Variants in WDPCP observed in about 807,000 individuals in gnomAD.
WDPCP encodes the protein WD repeat-containing and planar cell polarity effector protein fritz homolog.
WDPCP carries 71 observed loss-of-function variants against 93.1 expected under a neutral mutation model. That is an observed-to-expected ratio of 0.76 (90% CI 0.63 to 0.93). WDPCP has a LOEUF of 0.93. WDPCP is among the 40% of genes least tolerant of loss of function. The pLI is 0.00. For synonymous variants in WDPCP, 315 were observed against 315.0 expected (o/e 1.00, Z 0.00); for missense variants, 844 against 887.4 (o/e 0.95, Z 0.62).
chr2:63,459,648 G>T (rs370699539), intron 6 of WDPCP, among the ~76,000 whole-genome samples: 1 of 152,214 alleles, frequency 6.6e-6, no homozygotes, highest in African/African-American at 2.4e-5. Flanking sequence ...TGGCATGGTG[G>T]CTCACGCCTG....
At chr2:63,166,743 G>A (rs960137842) in intron 15 of WDPCP, among the ~76,000 whole-genome samples, 1 of 152,022 alleles carries the variant, frequency 6.6e-6, no homozygotes, top group African/African-American at 2.4e-5. Flanking sequence ...AGCACATCAG[G>A]GTAAATGAGG....
intron 1 of WDPCP, among the ~76,000 whole-genome samples, chr2:63,509,233 TTA>T (rs1395539000): frequency 6.6e-6 from 1 of 151,942 alleles, no homozygotes; most frequent in Non-Finnish European, 1.5e-5. Flanking sequence ...AACAAACAGT[TTA>T]TCAGACCACA....
In WDPCP at chr2:63,570,738, T is replaced by C. The variant is rs913752189; in HGVS notation, c.75+17459A>G. ...TTGACAAATACTTTAATTTAGTTTA[T>C]TCATATATTGTATTTTATTTGCCAT... is the stretch of plus-strand genomic sequence containing the variant. On this transcript the variant is annotated intron_variant, in intron 1 of 17. Transcript: ENST00000272321. Among the ~76,000 whole-genome samples the C allele has an allele frequency of 9.8e-5, 15 of 152,364 alleles. No homozygotes were observed. In the South Asian group the frequency reaches 1.7e-3, roughly 17 times the overall value.
chr2:63,231,265 C>G (rs190304441), intron 14 of WDPCP, among the ~76,000 whole-genome samples: 14 of 152,162 alleles, frequency 9.2e-5, no homozygotes, highest in South Asian at 4.1e-4. Flanking sequence ...TTTGAAAAGT[C>G]GCACAAGACA....
At chr2:63,382,226 T>C (rs1162852632) in intron 10 of WDPCP, 132 bp from the exon 11 acceptor site, 1 of 805,430 alleles carries the variant, frequency 1.2e-6, no homozygotes, top group Non-Finnish European at 2.0e-6. Flanking sequence ...CTGATCTCCT[T>C]CTCAACTAAT....
chr2:63,780,698 A>G (rs553490311), intron 2 of WDPCP, among the ~76,000 whole-genome samples: 6 of 152,188 alleles, frequency 3.9e-5, no homozygotes, highest in Admixed American at 6.5e-5. Context: ...GCTTTGTTTA[A>G]CAACAGCAGT....
chr2:63,480,825 G>C (rs1700223469), intron 6 of WDPCP, among the ~76,000 whole-genome samples: 1 of 152,078 alleles, frequency 6.6e-6, no homozygotes, highest in African/African-American at 2.4e-5. Flanking sequence ...CATTGGCTTA[G>C]GCAAGGATTT....
chr2:63,320,047 G>A (rs1686967999), intron 12 of WDPCP, among the ~76,000 whole-genome samples: 1 of 151,892 alleles, frequency 6.6e-6, no homozygotes, highest in Admixed American at 6.6e-5. Context: ...GAGCAAATGA[G>A]GTATTTGAAG....
intron 1 of WDPCP, among the ~76,000 whole-genome samples, chr2:63,535,856 A>T (rs1443855228): frequency 6.6e-6 from 1 of 152,252 alleles, no homozygotes; most frequent in Non-Finnish European, 1.5e-5. Flanking sequence ...GCCAAAATTG[A>T]CAAATGGGAT....
chr2:63,449,848 G>GC (rs1474525142), intron 6 of WDPCP, among the ~76,000 whole-genome samples: 1 of 152,082 alleles, frequency 6.6e-6, no homozygotes, highest in Non-Finnish European at 1.5e-5. Context: ...GAAAACCACA[G>GC]CCCCCATATA....
intron 1 of WDPCP, among the ~76,000 whole-genome samples, chr2:63,818,325 A>C (rs921662380): frequency 5.9e-5 from 9 of 152,262 alleles, no homozygotes; most frequent in Admixed American, 3.9e-4. Flanking sequence ...GCTATCAGCC[A>C]GAAAGGGCTT....
intron 2 of WDPCP, among the ~76,000 whole-genome samples, chr2:63,781,644 CA>C (rs1166252282): frequency 2.0e-5 from 3 of 152,124 alleles, no homozygotes; most frequent in African/African-American, 7.2e-5. Context: ...AGAAACGAAA[CA>C]ATCTGTGGGA....
At chr2:63,299,136 C>T (rs1443476665) in intron 13 of WDPCP, among the ~76,000 whole-genome samples, 2 of 152,202 alleles carry the variant, frequency 1.3e-5, no homozygotes, top group African/African-American at 4.8e-5. Flanking sequence ...AGGGCACAGG[C>T]TGCTATTGAC....
intron 2 of WDPCP, among the ~76,000 whole-genome samples, chr2:63,698,979 T>C (rs1256936948): frequency 1.3e-5 from 2 of 152,158 alleles, no homozygotes; most frequent in African/African-American, 2.4e-5. Flanking sequence ...AGGGAAGCTA[T>C]TACTTAGTCA....
At chr2:63,771,333 G>A (rs1004491341) in intron 2 of WDPCP, among the ~76,000 whole-genome samples, 5 of 150,880 alleles carry the variant, frequency 3.3e-5, no homozygotes, top group African/African-American at 9.7e-5. Flanking sequence ...AAACTCAAGC[G>A]ACACAAAAAA....
At chr2:63,736,820 G>C (rs1669646190) in intron 2 of WDPCP, among the ~76,000 whole-genome samples, 1 of 151,980 alleles carries the variant, frequency 6.6e-6, no homozygotes, top group African/African-American at 2.4e-5. Context: ...TAATAATTTT[G>C]CTGCTTTTTA....
intron 3 of WDPCP, chr2:63,605,830 A>G: frequency 3.4e-6 from 3 of 871,316 alleles, no homozygotes; most frequent in South Asian, 1.4e-5. Flanking sequence ...TTACACAGTA[A>G]TGATGTTATG....
At chr2:63,684,075 A>G (rs1668770820) in intron 2 of WDPCP, among the ~76,000 whole-genome samples, 1 of 151,826 alleles carries the variant, frequency 6.6e-6, no homozygotes, top group Non-Finnish European at 1.5e-5. Context: ...CAGACAGAAA[A>G]TTAACAAAGA....
intron 14 of WDPCP, among the ~76,000 whole-genome samples, chr2:63,247,757 C>G (rs531413367): frequency 2.0e-5 from 3 of 151,226 alleles, no homozygotes; most frequent in African/African-American, 7.3e-5. Flanking sequence ...GAACAGTTAA[C>G]CCGTAATTAC....
Sources: allele counts gnomAD v4.1 joint callset (sites outside exome capture counted in the v4.1 genomes callset), GRCh38; gene constraint gnomAD v4.1.1; transcripts MANE v1.5; gene names NCBI Gene and HGNC (gene_info 2026-07-23, HGNC 2026-07-21).